KCNK1: variants seen among roughly 807,000 people sequenced by gnomAD.
The protein encoded by KCNK1 is potassium two pore domain channel subfamily K member 1.
In KCNK1, 10 loss-of-function variants were observed where a neutral mutation model predicts 22.2. That is an observed-to-expected ratio of 0.45 (90% CI 0.28 to 0.76). The LOEUF (loss-of-function observed/expected upper bound fraction) is 0.76. Ranked by LOEUF, KCNK1 falls within the 30% of genes least tolerant of loss-of-function variation. The pLI is 0.14. For synonymous variants in KCNK1, 200 were observed against 186.4 expected (o/e 1.07, Z -0.60); for missense variants, 378 against 421.0 (o/e 0.90, Z 0.89).
At chr1:233,623,508 A>G (rs547021530) in intron 1 of KCNK1, among the ~76,000 whole-genome samples, 23 of 152,252 alleles carry the variant, frequency 1.5e-4, no homozygotes, top group Admixed American at 8.5e-4. Flanking sequence ...ATCACTGTAC[A>G]TTATGTGTAT....
At chr1:233,625,915 G>A (rs1384863619) in intron 1 of KCNK1, among the ~76,000 whole-genome samples, 3 of 152,126 alleles carry the variant, frequency 2.0e-5, no homozygotes, top group African/African-American at 4.8e-5. Context: ...AGGAAGAAGG[G>A]GAGGGAGCAG....
At chr1:233,654,584 T>TA (rs1658256807) in intron 1 of KCNK1, among the ~76,000 whole-genome samples, 1 of 152,120 alleles carries the variant, frequency 6.6e-6, no homozygotes, top group South Asian at 2.1e-4. Context: ...AAGCAGCACT[T>TA]AAAGATTTGG....
At chr1:233,631,313 T>G (rs701226) in intron 1 of KCNK1, 1 of 528,700 alleles carries the variant, frequency 1.9e-6, no homozygotes, top group South Asian at 1.4e-5. Flanking sequence ...ACCCCTAATG[T>G]GTGTTTAACT....
At chr1:233,617,488 A>T (rs1011504493) in intron 1 of KCNK1, among the ~76,000 whole-genome samples, 23 of 152,242 alleles carry the variant, frequency 1.5e-4, no homozygotes, top group Non-Finnish European at 1.3e-4. Flanking sequence ...AACAAGATAA[A>T]AGCACACACA....
At chr1:233,644,112 CA>C (rs1658049274) in intron 1 of KCNK1, among the ~76,000 whole-genome samples, 1 of 152,134 alleles carries the variant, frequency 6.6e-6, no homozygotes, top group Non-Finnish European at 1.5e-5. Context: ...ATCGAGGTAC[CA>C]ACTTCTGATG....
intron 1 of KCNK1, among the ~76,000 whole-genome samples, chr1:233,654,321 C>T (rs1020159648): frequency 6.6e-6 from 1 of 151,990 alleles, no homozygotes; most frequent in Non-Finnish European, 1.5e-5. Context: ...CAAACCTGCA[C>T]GTTCAGCACA....
intron 1 of KCNK1, among the ~76,000 whole-genome samples, chr1:233,624,868 C>T (rs1473232898): frequency 6.6e-6 from 1 of 152,088 alleles, no homozygotes; most frequent in Non-Finnish European, 1.5e-5. Context: ...CTACTCCAGG[C>T]ACTTAGGGAT....
intron 1 of KCNK1, among the ~76,000 whole-genome samples, chr1:233,633,554 A>G (rs960159526): frequency 6.6e-6 from 1 of 152,202 alleles, no homozygotes; most frequent in Non-Finnish European, 1.5e-5. Flanking sequence ...AAATAGGCCT[A>G]TCTCTCTAGA....
chr1:233,642,416 G>A (rs1182983299), intron 1 of KCNK1, among the ~76,000 whole-genome samples: 3 of 152,218 alleles, frequency 2.0e-5, no homozygotes, highest in Non-Finnish European at 4.4e-5. Flanking sequence ...ACAGACAGGG[G>A]ACAAGGGCAG....
At chr1:233,642,624 C>T (rs1052052224) in intron 1 of KCNK1, among the ~76,000 whole-genome samples, 1 of 152,178 alleles carries the variant, frequency 6.6e-6, no homozygotes, top group Non-Finnish European at 1.5e-5. Flanking sequence ...AGAGGACCTG[C>T]AGGATCTGCC....
intron 1 of KCNK1, among the ~76,000 whole-genome samples, chr1:233,633,917 T>C (rs7419062): frequency 0.12 from 17,553 of 152,156 alleles, 1,389 homozygotes; most frequent in African/African-American, 0.22. Context: ...TGTATTCATT[T>C]ATTAATAGCT....
chr1:233,648,097 A>G (rs535188870), intron 1 of KCNK1, among the ~76,000 whole-genome samples: 1 of 152,344 alleles, frequency 6.6e-6, no homozygotes, highest in Admixed American at 6.5e-5. Context: ...AAGAAATCAC[A>G]TTTGACTATA....
chr1:233,621,861 G>A (rs1415201329), intron 1 of KCNK1, among the ~76,000 whole-genome samples: 1 of 152,102 alleles, frequency 6.6e-6, no homozygotes, highest in African/African-American at 2.4e-5. Context: ...GTCCTATCAA[G>A]GACAGAATCT....
chr1:233,614,604 G>A (rs1281537410), intron 1 of KCNK1, 78 bp downstream of exon 1: 1 of 1,222,538 alleles, frequency 8.2e-7, no homozygotes, highest in Non-Finnish European at 1.1e-6. Flanking sequence ...GGCGCCCCGG[G>A]CCCCTCTAAC....
At chr1:233,665,085 G>T (rs1658466296) in intron 1 of KCNK1, among the ~76,000 whole-genome samples, 1 of 152,074 alleles carries the variant, frequency 6.6e-6, no homozygotes, top group African/African-American at 2.4e-5. Context: ...CTTCAACCAG[G>T]TAGAAAGTAA....
At chr1:233,656,339 T>C (rs1658294466) in intron 1 of KCNK1, among the ~76,000 whole-genome samples, 1 of 152,222 alleles carries the variant, frequency 6.6e-6, no homozygotes, top group African/African-American at 2.4e-5. Context: ...TTTGAGGAGC[T>C]GGCAGGCTTC....
intron 1 of KCNK1, among the ~76,000 whole-genome samples, chr1:233,634,328 A>T (rs1657860021): frequency 1.3e-5 from 2 of 152,088 alleles, no homozygotes; most frequent in Non-Finnish European, 2.9e-5. Flanking sequence ...CAAAAAAAAA[A>T]AAAAAGAAAA....
chr1:233,617,297 A>G (rs975311296), intron 1 of KCNK1, among the ~76,000 whole-genome samples: 2 of 152,196 alleles, frequency 1.3e-5, no homozygotes, highest in African/African-American at 4.8e-5. Context: ...TTCATGGTCT[A>G]CTTGGAAGAA....
chr1:233,650,902 G>A (rs965820681), intron 1 of KCNK1, among the ~76,000 whole-genome samples: 3 of 152,198 alleles, frequency 2.0e-5, no homozygotes, highest in Non-Finnish European at 4.4e-5. Context: ...CCTCCCGGGG[G>A]CACCAGAAGC....
Sources: gnomAD v4.1 joint callset for allele counts (sites outside exome capture counted in the v4.1 genomes callset) on GRCh38, gnomAD v4.1.1 for gene constraint, MANE v1.5 for transcripts, NCBI Gene and HGNC (gene_info 2026-07-23, HGNC 2026-07-21) for gene names.